The following NEB variants were observed in gnomAD, a reference collection of about 807,000 sequenced individuals.
NEB encodes the protein nebulin.
NEB carries 512 observed loss-of-function variants against 952.2 expected under a neutral mutation model. The ratio of observed to expected loss-of-function variants is 0.54; its 90% CI spans 0.50 to 0.58. The LOEUF is 0.58. Ranked by LOEUF, NEB falls within the 20% of genes least tolerant of loss-of-function variation. The pLI is 0.00. For missense variants in NEB, 8,428 were observed against 9,231.1 expected (o/e 0.91, Z 3.56); for synonymous variants, 2,900 against 3,149.8 (o/e 0.92, Z 2.66).
Position 151,724,917 on chromosome 2 carries a change from G to A in NEB, c.447C>T (p.His149=), listed in dbSNP as rs2099785791. 9 of 1,613,530 alleles carry A rather than the reference G, an allele frequency of 5.6e-6. No individual in the cohort carries two copies. The highest frequency in any genetic ancestry group is 1.1e-5 in the South Asian group (1 of 91,070). The change falls in exon 7 of 182, where the codon CAC becomes CAT. Residue 149 remains histidine (H), a synonymous_variant. Transcript: ENST00000397345. ...CAATATCCTTTGCTTTTTCATCTAC[G>A]TGACATATAGTCTTAGCAACATCAC... ...MDGDVAKTIC[H]VDEKAKDIEH... is the part of the protein sequence containing the mutation.
rs1560693635 is a variant in NEB at position 151,631,280 on chromosome 2, C to T, written c.9481G>A (p.Val3161Met). 2 of 1,613,948 alleles carry T rather than the reference C, an allele frequency of 1.2e-6. No individual in the cohort carries two copies. Among genetic ancestry groups the T allele is most frequent in the Non-Finnish European group, 8.5e-7 (1 of 1,179,858 alleles). ...IGWVPIGSMDVVKCKRATEIL... is the reference protein window; with the variant it reads ...IGWVPIGSMDMVKCKRATEIL... ...TCGGTAGCTCTCTTGCACTTGACCA[C>T]ATCCATAGACCCAATGGGGACCCAG... The change falls in exon 66 of 182, where the codon GTG becomes ATG. Residue 3161 changes from valine (V) to methionine (M), a missense_variant. Physicochemically the swap from Val to Met is conservative, Grantham distance 21. Transcript: ENST00000397345.
intron 170 of NEB, 72 bp from the exon 171 acceptor site, chr2:151,497,790 A>C: frequency 6.5e-7 from 1 of 1,541,290 alleles, no homozygotes; most frequent in African/African-American, 1.4e-5. Context: ...TTTAAGGATG[A>C]GGAAAAAACA....
In NEB at chr2:151,640,688, T is replaced by C. The variant is rs781318449; in HGVS notation, c.8374-22A>G. The C allele has an allele frequency of 1.4e-5, 22 of 1,596,830 alleles. No individual in the cohort carries two copies. The South Asian group carries it at 1.7e-4, about 12-fold the overall frequency. On this transcript the variant is annotated intron_variant, in intron 60 of 181. Transcript: ENST00000397345. ...TGAACTAAAAGAAGAAAAAGACAGA[T>C]AGTCATCTGTTTTAACTTTTAGTAA...
At position 151,673,450 on chromosome 2, in the gene NEB, GA is replaced by G. The variant is rs909217584; in HGVS notation, c.3988-771del. Among the ~76,000 whole-genome samples the G allele has an allele frequency of 4.3e-4, 62 of 145,466 alleles. 1 individual carries two copies. The highest frequency in any genetic ancestry group is 3.6e-3 in the East Asian group (18 of 4,974). ...TGTGTAAGTGCTAAAAAAAAAAAAAGAAAAAAAAAGAATAAAGTTATACTGT... is the reference window on the plus strand; with the variant it reads ...TGTGTAAGTGCTAAAAAAAAAAAAAGAAAAAAAAGAATAAAGTTATACTGT... On this transcript the variant is annotated intron_variant, in intron 36 of 181. Transcript: ENST00000397345.
In NEB at chr2:151,662,262, T is replaced by A. The variant is rs2154168814; in HGVS notation, c.5843A>T (p.Asn1948Ile). 3 of 1,613,642 alleles carry A rather than the reference T, an allele frequency of 1.9e-6. No homozygotes were observed. Among genetic ancestry groups the A allele is most frequent in the Non-Finnish European group, 2.5e-6 (3 of 1,179,670 alleles). ...ACTAATAATCTCCATGGCTTTCTTG[T>A]TTTTCTCTGCTTCCAGGGAGCCCAG... is the stretch of plus-strand genomic sequence containing the variant. ...LPLGSLEAEK[N>I]KKAMEIISEK... is the part of the protein sequence containing the mutation. The change falls in exon 46 of 182, where the codon AAC (asparagine) becomes ATC (isoleucine). Residue 1948 changes from asparagine (N) to isoleucine (I), a missense_variant. By Grantham distance (149) the Asn-to-Ile change is moderately radical. This residue lies in a region of NEB where 2,851 missense variants were observed against 2,791.5 expected (regional missense o/e 1.02). Transcript: ENST00000397345.
chr2:151,505,057 C>T (rs2067718189), intron 165 of NEB, among the ~76,000 whole-genome samples: 1 of 152,104 alleles, frequency 6.6e-6, no homozygotes, highest in Non-Finnish European at 1.5e-5. Context: ...GTCATACATA[C>T]ACACACACAT....
intron 68 of NEB, 66 bp downstream of exon 68, chr2:151,629,473 T>C (rs771531012): frequency 5.8e-5 from 76 of 1,310,494 alleles, no homozygotes; most frequent in Non-Finnish European, 7.8e-5. Context: ...CCAAATGTTA[T>C]AATAGTAATA....
chr2:151,620,945 T>C lies in NEB; in HGVS notation c.10534A>G (p.Lys3512Glu). Residue 3512 changes from lysine to glutamate, a missense_variant, in exon 72 of 182, where the codon AAG becomes GAG. Physicochemically the swap from Lys to Glu is moderately conservative, Grantham distance 56 (BLOSUM62 1). Around this residue, in one of 11 missense-constraint regions of NEB, gnomAD observed 1,772 missense variants for 1,960.3 expected, o/e 0.90. Coordinates refer to ENST00000397345, the MANE Select transcript of NEB (RefSeq NM_001164508.2). ...RSDAIPIVAA[K>E]ASRDIASDYK... ...TCACTGGCAATATCCCGAGAGGCCT[T>C]GGCAGCCACAATGGGAATGGCATCA... 6.2e-7 allele frequency: 1 copy of C among 1,612,698 alleles called. No individual in the cohort carries two copies. The highest frequency in any genetic ancestry group is 8.5e-7 in the Non-Finnish European group (1 of 1,179,376).
At chr2:151,512,356 C>T (rs1286823947) in intron 161 of NEB, among the ~76,000 whole-genome samples, 2 of 149,408 alleles carry the variant, frequency 1.3e-5, no homozygotes, top group Admixed American at 6.7e-5. Context: ...TTTTAAGAGT[C>T]TCACCCTGTC....
intron 105 of NEB, 70 bp from the exon 106 acceptor site, chr2:151,576,424 A>C (rs1350920691): frequency 2.7e-5 from 27 of 1,016,592 alleles, no homozygotes; most frequent in South Asian, 4.4e-5. Context: ...AAATAAGGAC[A>C]GTTTTTATGT....
At chr2:151,565,999 C>T (rs2096363648) in intron 114 of NEB, among the ~76,000 whole-genome samples, 179 bp from the exon 115 acceptor site, 1 of 152,266 alleles carries the variant, frequency 6.6e-6, no homozygotes, top group Middle Eastern at 3.4e-3. Flanking sequence ...GCATGAGGCA[C>T]TATGCTTGGT....
intron 47 of NEB, among the ~76,000 whole-genome samples, chr2:151,658,328 T>C (rs979002326): frequency 6.6e-6 from 1 of 152,152 alleles, no homozygotes; most frequent in Non-Finnish European, 1.5e-5. Context: ...CTGGTCTCTA[T>C]TAGGTTGTAA....
chr2:151,529,067 A>G, intron 146 of NEB, 143 bp downstream of exon 146: 4 of 672,180 alleles, frequency 6.0e-6, no homozygotes, highest in South Asian at 3.5e-5. Flanking sequence ...TTTTAGCATC[A>G]TTGTTCATGC....
Position 151,656,280 on chromosome 2 carries a change from G to A in NEB, c.6368C>T (p.Thr2123Met), listed in dbSNP as rs371109129. 6.8e-6 allele frequency: 11 copies of A among 1,613,432 alleles called. No homozygotes were observed. The African/African-American group carries it at 8.0e-5, about 12-fold the overall frequency. The change falls in exon 49 of 182, where the codon ACG becomes ATG. Residue 2123 changes from threonine (T) to methionine (M), a missense_variant. Physicochemically the swap from Thr to Met is moderately conservative, Grantham distance 81. This residue lies in a region of NEB where 2,851 missense variants were observed against 2,791.5 expected (regional missense o/e 1.02). Coordinates refer to ENST00000397345, the MANE Select transcript of NEB (RefSeq NM_001164508.2). Reference sequence around the variant, plus strand: ...GTTGGCTTGGGCATCCTTTGCAGCCGTGACACTGAGCATGTCGGCAGGGGT... The same window carrying A: ...GTTGGCTTGGGCATCCTTTGCAGCCATGACACTGAGCATGTCGGCAGGGGT... ...YHTPADMLSV[T>M]AAKDAQANIT...
intron 27 of NEB, 114 bp from the exon 28 acceptor site, chr2:151,685,089 T>A: frequency 1.7e-6 from 2 of 1,179,428 alleles, no homozygotes; most frequent in Non-Finnish European, 2.4e-6. Flanking sequence ...AACATCTGAG[T>A]AGTTATTTTG....
In NEB at chr2:151,666,175, T is replaced by C; in HGVS notation, c.4946A>G (p.Tyr1649Cys). The C allele has an allele frequency of 1.2e-6, 2 of 1,613,548 alleles. No individual in the cohort carries two copies. The highest frequency in any genetic ancestry group is 1.7e-6 in the Non-Finnish European group (2 of 1,179,852). Residue 1649 changes from tyrosine (Y) to cysteine (C), a missense_variant, in exon 41 of 182, where the codon TAC becomes TGC. Around this residue, in one of 11 missense-constraint regions of NEB, gnomAD observed 2,851 missense variants for 2,791.5 expected, o/e 1.02. Coordinates refer to ENST00000397345, the MANE Select transcript of NEB (RefSeq NM_001164508.2). Reference sequence around the variant, plus strand: ...AGTGTAGTGGTGGTATGACTGTCTGTAGTTGGCGTTGGTGGCAACCTCCTG... The same window carrying C: ...AGTGTAGTGGTGGTATGACTGTCTGCAGTTGGCGTTGGTGGCAACCTCCTG... ...KSQEVATNAN[Y>C]RQSYHHYTLL... is the part of the protein sequence containing the mutation.
At position 151,506,988 on chromosome 2, in the gene NEB, T is replaced by C. The variant is rs143602832; in HGVS notation, c.23477A>G (p.Asn7826Ser). 2.9e-4 allele frequency: 474 copies of C among 1,606,856 alleles called. 2 individuals carry two copies. The African/African-American group carries it at 5.7e-3, about 19-fold the overall frequency. The change falls in exon 163 of 182, where the codon AAC (asparagine) becomes AGC (serine). Residue 7826 changes from asparagine (N) to serine (S), a missense_variant. Transcript: ENST00000397345. ...AACAACTGTAATTTTTCCTTTACTGTTTTTAAGGTCACACTGGTATTGGAG... is the reference window on the plus strand; with the variant it reads ...AACAACTGTAATTTTTCCTTTACTGCTTTTAAGGTCACACTGGTATTGGAG... ...SLLQYQCDLK[N>S]SKGKITVVQD... is the part of the protein sequence containing the mutation.
intron 37 of NEB, 44 bp downstream of exon 37, chr2:151,672,325 C>T: frequency 6.7e-7 from 1 of 1,502,548 alleles, no homozygotes. Flanking sequence ...AGTGATCATC[C>T]TTTAAGTGCA....
intron 65 of NEB, among the ~76,000 whole-genome samples, 160 bp from the exon 66 acceptor site, chr2:151,631,506 C>T (rs1193557373): frequency 6.6e-6 from 1 of 152,134 alleles, no homozygotes; most frequent in African/African-American, 2.4e-5. Flanking sequence ...AAAAATGACC[C>T]AGAAATATCT....
Sources: gnomAD v4.1 joint callset for allele counts (sites outside exome capture counted in the v4.1 genomes callset) on GRCh38, gnomAD v4.1.1 for gene constraint, gnomAD v4.1.1 regional missense constraint, MANE v1.5 for transcripts, NCBI Gene and HGNC (gene_info 2026-07-23, HGNC 2026-07-21) for gene names.